The following CACNA1D variants were observed in gnomAD, a reference collection of about 807,000 sequenced individuals.
CACNA1D encodes the protein voltage-dependent L-type calcium channel subunit alpha-1D.
In CACNA1D, 55 loss-of-function variants were observed where a neutral mutation model predicts 257.1. That is an observed-to-expected ratio of 0.21 (90% CI 0.17 to 0.27). CACNA1D has a LOEUF of 0.27. Ranked by LOEUF, CACNA1D falls within the 10% of genes least tolerant of loss-of-function variation. The probability of loss-of-function intolerance (pLI) is 1.00; values close to 1 mark genes in which losing one functional copy is unlikely to be tolerated. For synonymous variants in CACNA1D, 980 were observed against 1,014.9 expected, an observed-to-expected ratio of 0.97 and a Z score of 0.65; for missense variants, 1,876 against 2,784.0, an observed-to-expected ratio of 0.67 and a Z score of 7.34.
Position 53,747,457 on chromosome 3 carries a change from A to G in CACNA1D, c.3314+9A>G, listed in dbSNP as rs1559617160. 1.2e-6 allele frequency: 2 copies of G among 1,614,066 alleles called. No individual in the cohort carries two copies. Among genetic ancestry groups the G allele is most frequent in the Non-Finnish European group, 8.5e-7 (1 of 1,179,922 alleles). ...TTTGAGGGCTGGCCTGCGTAAGTAC[A>G]GGGAGCACACAGTCTTCTGGAGAGG... is the stretch of plus-strand genomic sequence containing the variant. On this transcript the variant is annotated intron_variant, in intron 26 of 47. Transcript: ENST00000350061.
At chr3:53,665,506 C>T (rs17030969) in intron 5 of CACNA1D, among the ~76,000 whole-genome samples, 154 bp from the exon 6 acceptor site, 4,155 of 152,278 alleles carry the variant, frequency 0.027, 109 homozygotes, top group East Asian at 0.12. Flanking sequence ...GTCTATCTCA[C>T]ATCCAGGCTT....
chr3:53,601,731 C>A lies in CACNA1D; in HGVS notation c.484-49048C>A, dbSNP rs141810168. On this transcript the variant is annotated intron_variant, in intron 3 of 47. Transcript: ENST00000350061. Reference sequence around the variant, plus strand: ...TTTTTTATTTTTTGAGACGGAGTCTCACTCTGTCACCCAGGCTAGAGTGCA... The same window carrying A: ...TTTTTTATTTTTTGAGACGGAGTCTAACTCTGTCACCCAGGCTAGAGTGCA... 1.7e-3 allele frequency among the ~76,000 whole-genome samples: 255 copies of A among 152,250 alleles called. 3 individuals are homozygous for A. Among genetic ancestry groups the A allele is most frequent in the Middle Eastern group, 6.8e-3 (2 of 294 alleles).
chr3:53,608,424 A>G (rs892450697), intron 3 of CACNA1D, among the ~76,000 whole-genome samples: 6 of 152,220 alleles, frequency 3.9e-5, no homozygotes, highest in African/African-American at 1.4e-4. Context: ...TCATTTGTGA[A>G]CAAAGATAGT....
At chr3:53,540,280 G>C (rs752592714) in intron 3 of CACNA1D, among the ~76,000 whole-genome samples, 1 of 151,272 alleles carries the variant, frequency 6.6e-6, no homozygotes, top group Admixed American at 6.6e-5. Context: ...CACCATGCCC[G>C]GCTAATTTTT....
In CACNA1D at chr3:53,689,699, C is replaced by T. The variant is rs148863419; in HGVS notation, c.1221-12942C>T. ...TATAGAGACAGGTCTTGCTCTGTCA[C>T]CCAGGCAGCAGTGCAATGGTGCGAT... is the stretch of plus-strand genomic sequence containing the variant. On this transcript the variant is annotated intron_variant, in intron 8 of 47. Coordinates refer to ENST00000350061, the MANE Select transcript of CACNA1D (RefSeq NM_001128840.3). Among the ~76,000 whole-genome samples the T allele has an allele frequency of 7.5e-3, 1,148 of 152,238 alleles. 9 individuals are homozygous for T. Among genetic ancestry groups the T allele is most frequent in the Middle Eastern group, 0.02 (6 of 294 alleles).
At chr3:53,776,071 C>T in intron 35 of CACNA1D, 26 bp downstream of exon 35, 7 of 1,604,738 alleles carry the variant, frequency 4.4e-6, no homozygotes, top group East Asian at 2.2e-5. Flanking sequence ...AGCTCCCCCT[C>T]TCAATTTACA....
intron 3 of CACNA1D, among the ~76,000 whole-genome samples, chr3:53,583,152 T>C (rs999738600): frequency 6.6e-6 from 1 of 152,174 alleles, no homozygotes; most frequent in Non-Finnish European, 1.5e-5. Context: ...CAGAATCTTA[T>C]TTGTGATGTT....
intron 3 of CACNA1D, among the ~76,000 whole-genome samples, chr3:53,586,276 C>G (rs1241051191): frequency 2.9e-5 from 4 of 136,024 alleles, no homozygotes; most frequent in South Asian, 5.3e-4. Context: ...TGCCTCTATT[C>G]TGTGTGTGTG....
At chr3:53,631,001 A>G (rs2093816451) in intron 3 of CACNA1D, among the ~76,000 whole-genome samples, 1 of 152,346 alleles carries the variant, frequency 6.6e-6, no homozygotes, top group African/African-American at 2.4e-5. Context: ...CTGAGCCTTC[A>G]GCAGGTCATA....
At chr3:53,624,749 A>G (rs185154514) in intron 3 of CACNA1D, among the ~76,000 whole-genome samples, 2 of 152,380 alleles carry the variant, frequency 1.3e-5, no homozygotes, top group East Asian at 3.9e-4. Context: ...AATTGGAAAT[A>G]GAATTTCTGT....
At chr3:53,521,962 CA>C (rs34352856) in intron 3 of CACNA1D, among the ~76,000 whole-genome samples, 351 of 125,436 alleles carry the variant, frequency 2.8e-3, no homozygotes, top group Admixed American at 2.6e-3. Context: ...CCATCTCTAC[CA>C]AAAAAAAAAA....
intron 3 of CACNA1D, among the ~76,000 whole-genome samples, chr3:53,564,864 A>G (rs931317296): frequency 1.3e-5 from 2 of 152,340 alleles, no homozygotes; most frequent in South Asian, 4.1e-4. Flanking sequence ...AGGAATTCTT[A>G]AGAAAACCTT....
chr3:53,590,229 C>T (rs1350394909), intron 3 of CACNA1D, among the ~76,000 whole-genome samples: 2 of 152,234 alleles, frequency 1.3e-5, no homozygotes, highest in Non-Finnish European at 2.9e-5. Flanking sequence ...TCAACTCCTT[C>T]CCACCTTGGA....
chr3:53,618,179 C>A (rs2093657636), intron 3 of CACNA1D, among the ~76,000 whole-genome samples: 1 of 152,154 alleles, frequency 6.6e-6, no homozygotes, highest in South Asian at 2.1e-4. Context: ...TGCACAGTAC[C>A]CAGTGTGTGT....
At chr3:53,609,235 C>T (rs1446734714) in intron 3 of CACNA1D, among the ~76,000 whole-genome samples, 1 of 151,862 alleles carries the variant, frequency 6.6e-6, no homozygotes, top group Non-Finnish European at 1.5e-5. Context: ...ATGGTGAAAC[C>T]CCATCTCTAC....
At chr3:53,556,647 A>C (rs1382303676) in intron 3 of CACNA1D, among the ~76,000 whole-genome samples, 1 of 150,368 alleles carries the variant, frequency 6.7e-6, no homozygotes, top group East Asian at 1.9e-4. Context: ...CTTTTATCAG[A>C]TATGTGATTT....
chr3:53,630,156 A>T (rs1016832141), intron 3 of CACNA1D, among the ~76,000 whole-genome samples: 3 of 152,244 alleles, frequency 2.0e-5, no homozygotes, highest in African/African-American at 7.2e-5. Flanking sequence ...TGCCAATCTG[A>T]TGAAGTAGGG....
chr3:53,507,286 G>T (rs749134946), intron 3 of CACNA1D, among the ~76,000 whole-genome samples: 5 of 151,882 alleles, frequency 3.3e-5, no homozygotes, highest in African/African-American at 1.2e-4. Context: ...GAGTATTGAC[G>T]GCTTTTCCAA....
rs1266100271 is a variant in CACNA1D, at chr3:53,494,705, G to C, written c.-462G>C. On this transcript the variant is annotated 5_prime_UTR_variant, in exon 1 of 48. Coordinates refer to ENST00000350061, the MANE Select transcript of CACNA1D (RefSeq NM_001128840.3). ...GTGAGCTCCGGCTGCCCGCGGTCCC[G>C]AGCCAGCGGCGGCGCGGGCGGCGGC... 1.4e-5 allele frequency: 2 copies of C among 145,998 alleles called. No homozygotes were observed. Among genetic ancestry groups the C allele is most frequent in the African/African-American group, 4.9e-5 (2 of 40,600 alleles). 9.0% of individuals were successfully genotyped at this position (145,998 alleles called of 1,614,324 possible). A position where few individuals can be genotyped will look rare whatever the true frequency, so the allele number is the denominator to read the frequency against.
Sources: allele counts gnomAD v4.1 joint callset (sites outside exome capture counted in the v4.1 genomes callset), GRCh38; gene constraint gnomAD v4.1.1; transcripts MANE v1.5; gene names NCBI Gene and HGNC (gene_info 2026-07-23, HGNC 2026-07-21).